The following HSF2 variants were observed in gnomAD, a reference collection of about 807,000 sequenced individuals.
HSF2 encodes the protein heat shock factor protein 2.
A neutral mutation model predicts 65.0 loss-of-function variants in HSF2; 21 were observed. The ratio of observed to expected loss-of-function variants is 0.32; its 90% confidence interval spans 0.23 to 0.47. The LOEUF is 0.47. Ranked by LOEUF, HSF2 falls within the 20% of genes least tolerant of loss-of-function variation. The pLI is 1.00. For missense variants in HSF2, 499 were observed against 628.1 expected, an observed-to-expected ratio of 0.79 and a Z score of 2.20; for synonymous variants, 225 against 219.1, an observed-to-expected ratio of 1.03 and a Z score of -0.24.
rs1175430856 is a variant in HSF2 at position 122,433,044 on chromosome 6, TGTCTGTG to T, written c.*827_*833del. 2.0e-5 allele frequency: 3 copies of T among 152,374 alleles called. No homozygotes were observed. In the East Asian group the frequency reaches 5.8e-4, roughly 29 times the overall value. 9.4% of individuals were successfully genotyped at this position (152,374 alleles called of 1,614,324 possible). On this transcript the variant is annotated 3_prime_UTR_variant, in exon 13 of 13. Transcript: ENST00000368455. ...CTCATAGGAAGCAGTAGCTTTAAAC[TGTCTGTG>T]GTTCATTATTCTCAATATGAATCAT... is the stretch of plus-strand genomic sequence containing the variant.
intron 10 of HSF2, among the ~76,000 whole-genome samples, chr6:122,425,111 C>T (rs548174855): frequency 1.3e-5 from 2 of 152,128 alleles, no homozygotes; most frequent in East Asian, 1.9e-4. Context: ...CGTCTGCCTT[C>T]AGTAGTTAGA....
At position 122,432,864 on chromosome 6, in the gene HSF2, C is replaced by T. The variant is rs1479486757; in HGVS notation, c.*644C>T. The T allele has an allele frequency of 6.6e-6, 1 of 152,140 alleles. No individual in the cohort carries two copies. The highest frequency in any genetic ancestry group is 6.6e-5 in the Admixed American group (1 of 15,262). The allele number at this position is 152,140 out of a possible 1,614,324, so 9.4% of individuals were successfully genotyped here. ...GGGTGGGATGGGATGGAGTGAGCCC[C>T]ATCCAGTTAGTTGGACTAGTTTTAA... On this transcript the variant is annotated 3_prime_UTR_variant, in exon 13 of 13. Transcript: ENST00000368455.
At chr6:122,431,100 T>C (rs1195381969) in intron 11 of HSF2, among the ~76,000 whole-genome samples, 1 of 152,178 alleles carries the variant, frequency 6.6e-6, no homozygotes, top group African/African-American at 2.4e-5. Context: ...TCAATTAACA[T>C]TTTGAAACCA....
rs1012049285 is a variant in HSF2, at chr6:122,399,653, T to G, written c.-85T>G. 1.9e-4 allele frequency: 223 copies of G among 1,153,620 alleles called. 2 individuals carry two copies. The Admixed American group carries it at 4.2e-3, about 21-fold the overall frequency. The allele number at this position is 1,153,620 out of a possible 1,614,324, so 71.5% of individuals were successfully genotyped here. A position where few individuals can be genotyped will look rare whatever the true frequency, so the allele number is the denominator to read the frequency against. On this transcript the variant is annotated 5_prime_UTR_variant, in exon 1 of 13. Transcript: ENST00000368455. Reference sequence around the variant, plus strand: ...ATCTGCTGCGCCTGCGTTGTGGGCGTTCTCGGGGAGCTGCTGCCGTAGCTG... The same window carrying G: ...ATCTGCTGCGCCTGCGTTGTGGGCGGTCTCGGGGAGCTGCTGCCGTAGCTG...
chr6:122,407,201 TC>T (rs1308213331), intron 1 of HSF2, among the ~76,000 whole-genome samples: 1 of 152,162 alleles, frequency 6.6e-6, no homozygotes, highest in Non-Finnish European at 1.5e-5. Context: ...AGGAAAGAGA[TC>T]AACTGTGTCA....
At chr6:122,431,401 G>T in intron 11 of HSF2, 29 bp from the exon 12 acceptor site, 2 of 962,330 alleles carry the variant, frequency 2.1e-6, no homozygotes, top group Non-Finnish European at 1.4e-6. Context: ...TATGAAACAA[G>T]TACTTATATA....
chr6:122,414,499 G>GT (rs775507021), intron 4 of HSF2, among the ~76,000 whole-genome samples: 9 of 152,136 alleles, frequency 5.9e-5, no homozygotes, highest in Non-Finnish European at 1.0e-4. Flanking sequence ...CTTGTTTACT[G>GT]TATGTATCTT....
At chr6:122,414,144 G>A (rs560349450) in intron 4 of HSF2, among the ~76,000 whole-genome samples, 9 of 152,232 alleles carry the variant, frequency 5.9e-5, no homozygotes, top group African/African-American at 1.9e-4. Flanking sequence ...TACTTATTTC[G>A]TATAGACTTG....
intron 5 of HSF2, among the ~76,000 whole-genome samples, chr6:122,417,174 A>AG (rs1774145497): frequency 6.6e-6 from 1 of 151,780 alleles, no homozygotes; most frequent in Non-Finnish European, 1.5e-5. Flanking sequence ...AAAGTGTGCA[A>AG]GTGAAGGTTG....
chr6:122,399,558 C>A (rs1026727261), upstream of HSF2: 2 of 573,090 alleles, frequency 3.5e-6, no homozygotes, highest in South Asian at 2.1e-5. Context: ...GAGACTTGTC[C>A]GTCACGTGCG....
intron 12 of HSF2, 114 bp from the exon 13 acceptor site, chr6:122,431,811 T>C (rs956751462): frequency 2.4e-6 from 2 of 826,258 alleles, no homozygotes; most frequent in African/African-American, 3.4e-5. Flanking sequence ...ATTTCTTGTT[T>C]GGCTATATGA....
upstream of HSF2, chr6:122,399,645 T>G: frequency 2.0e-6 from 2 of 977,074 alleles, no homozygotes; most frequent in South Asian, 2.8e-5. Flanking sequence ...GCGCCTGCGT[T>G]GTGGGCGTTC....
Position 122,412,751 on chromosome 6 carries a change from A to C in HSF2, c.317A>C (p.Asn106Thr). The change falls in exon 3 of 13, where the codon AAC becomes ACC. Residue 106 changes from asparagine (N) to threonine (T), a missense_variant. Transcript: ENST00000368455. ...CAAGGACAGGATGACTTGTTGGAGA[A>C]CATTAAAAGGAAGGTGAGCTATTGT... Reference protein sequence around the residue: ...FKQGQDDLLENIKRKVSSSKP... With the variant: ...FKQGQDDLLETIKRKVSSSKP... The C allele has an allele frequency of 6.2e-7, 1 of 1,612,966 alleles. No homozygotes were observed. Among genetic ancestry groups the C allele is most frequent in the Non-Finnish European group, 8.5e-7 (1 of 1,179,108 alleles).
At chr6:122,408,195 T>C (rs1773910575) in intron 1 of HSF2, among the ~76,000 whole-genome samples, 1 of 152,136 alleles carries the variant, frequency 6.6e-6, no homozygotes, top group African/African-American at 2.4e-5. Context: ...CATTGGACAA[T>C]TTATCCTGTG....
rs1258693950 is a variant in HSF2, at chr6:122,409,129, G to T, written c.94-3244G>T. Among the ~76,000 whole-genome samples the T allele has an allele frequency of 3.3e-5, 5 of 152,044 alleles. No homozygotes were observed. In the East Asian group the frequency reaches 7.7e-4, roughly 23 times the overall value. On this transcript the variant is annotated intron_variant, in intron 1 of 12. Coordinates refer to ENST00000368455, the MANE Select transcript of HSF2 (RefSeq NM_004506.4). ...ATTCTAAGGAAAGAATATGAATGGT[G>T]CCACGATTAAGGATAAAAACCTGGA...
At position 122,422,874 on chromosome 6, in the gene HSF2, A is replaced by T. The variant is rs45575931; in HGVS notation, c.987A>T (p.Leu329=). 2.2e-3 allele frequency: 3,570 copies of T among 1,613,708 alleles called. 95 individuals carry two copies. The East Asian group carries it at 0.056, about 25-fold the overall frequency. Residue 329 remains leucine, a synonymous_variant, in exon 9 of 13, where the codon CTA becomes CTT. Transcript: ENST00000368455. ...CTCTCATGTCTAGTGCTGTCCAGCT[A>T]AATGGCTCATCCAGTCTGACCTCAG... ...SSPLMSSAVQ[L]NGSSSLTSED... is the part of the protein sequence containing the mutation.
intron 1 of HSF2, 97 bp downstream of exon 1, chr6:122,399,927 C>A: frequency 4.2e-6 from 4 of 953,644 alleles, no homozygotes; most frequent in Non-Finnish European, 6.6e-6. Flanking sequence ...CGGCTCGACG[C>A]TGTCTGCGAG....
At chr6:122,420,297 T>A (rs908106326) in intron 7 of HSF2, 75 bp downstream of exon 7, 1 of 1,129,990 alleles carries the variant, frequency 8.8e-7, no homozygotes, top group African/African-American at 1.6e-5. Context: ...TTTCATGCAT[T>A]CAAAGAAGTG....
At chr6:122,417,400 T>A (rs1774149749) in intron 5 of HSF2, among the ~76,000 whole-genome samples, 1 of 151,242 alleles carries the variant, frequency 6.6e-6, no homozygotes, top group African/African-American at 2.4e-5. Flanking sequence ...TGTAGATTTT[T>A]TTTTTCCTGA....
Sources: allele counts gnomAD v4.1 joint callset (sites outside exome capture counted in the v4.1 genomes callset), GRCh38; gene constraint gnomAD v4.1.1; transcripts MANE v1.5; gene names NCBI Gene and HGNC (gene_info 2026-07-23, HGNC 2026-07-21).